SAMMSON: variants seen among roughly 807,000 people sequenced by gnomAD.
SAMMSON encodes the protein survival associated mitochondrial melanoma specific oncogenic non-coding RNA.
At chr3:70,184,373 A>C (rs902135266) in intron 4 of SAMMSON, among the ~76,000 whole-genome samples, 3 of 152,296 alleles carry the variant, frequency 2.0e-5, no homozygotes, top group African/African-American at 7.2e-5. Context: ...TTGATCTTAG[A>C]GTGCTTTTTC....
chr3:70,307,651 G>A (rs115468603), intron 7 of SAMMSON, among the ~76,000 whole-genome samples: 11 of 151,896 alleles, frequency 7.2e-5, no homozygotes, highest in African/African-American at 1.9e-4. Flanking sequence ...TGTATTAGCC[G>A]TCACCACCCC....
chr3:70,117,555 G>C lies in SAMMSON; in HGVS notation n.507+45990G>C, dbSNP rs527372160. On this transcript the variant is annotated intron_variant and non_coding_transcript_variant, in intron 4 of 9. Transcript: ENST00000642114. ...TGATTGAAAAGTTAAATTATACAGA[G>C]ATATTTATAGAGCCCTTGTTCCATG... Among the ~76,000 whole-genome samples the C allele has an allele frequency of 1.2e-4, 19 of 152,238 alleles. 1 individual carries two copies. Among genetic ancestry groups the C allele is most frequent in the Middle Eastern group, 3.4e-3 (1 of 294 alleles).
chr3:70,097,040 C>T (rs2067325328), intron 4 of SAMMSON, among the ~76,000 whole-genome samples: 1 of 152,212 alleles, frequency 6.6e-6, no homozygotes, highest in African/African-American at 2.4e-5. Flanking sequence ...CCTTGCAGAT[C>T]ACATATAAGC....
intron 6 of SAMMSON, among the ~76,000 whole-genome samples, chr3:70,290,881 G>A (rs367614245): frequency 7.9e-5 from 12 of 152,164 alleles, no homozygotes; most frequent in South Asian, 2.1e-4. Context: ...GACCCCTTGC[G>A]CTTCCCGAGT....
chr3:70,422,774 C>T (rs940379990), intron 2 of SAMMSON, among the ~76,000 whole-genome samples: 2 of 151,720 alleles, frequency 1.3e-5, no homozygotes, highest in Non-Finnish European at 2.9e-5. Flanking sequence ...AAAAAAAGCA[C>T]CAAAATGATA....
chr3:70,312,399 G>T (rs1418069998), intron 7 of SAMMSON, among the ~76,000 whole-genome samples: 1 of 152,198 alleles, frequency 6.6e-6, no homozygotes, highest in East Asian at 1.9e-4. Context: ...AATTTATTGG[G>T]TGGGAATAAG....
chr3:70,034,578 T>C (rs2067078383), intron 3 of SAMMSON, among the ~76,000 whole-genome samples: 1 of 152,186 alleles, frequency 6.6e-6, no homozygotes, highest in Non-Finnish European at 1.5e-5. Context: ...GCGTGGTGGC[T>C]CACGCTTATA....
chr3:70,315,915 A>C (rs921088735), intron 7 of SAMMSON, among the ~76,000 whole-genome samples: 1 of 152,162 alleles, frequency 6.6e-6, no homozygotes, highest in Non-Finnish European at 1.5e-5. Context: ...AAGAGTGTTC[A>C]TTGAGCCCAT....
chr3:70,357,686 C>T (rs1702839693), intron 8 of SAMMSON, among the ~76,000 whole-genome samples: 1 of 151,678 alleles, frequency 6.6e-6, no homozygotes. Context: ...GCACATTCTG[C>T]ACATGTATCC....
chr3:70,187,175 T>C (rs146330913), intron 4 of SAMMSON, among the ~76,000 whole-genome samples: 243 of 152,282 alleles, frequency 1.6e-3, no homozygotes, highest in African/African-American at 5.5e-3. Flanking sequence ...TTGATACTCT[T>C]ATAGCATTGT....
chr3:70,110,837 A>G (rs1184516827), intron 4 of SAMMSON, among the ~76,000 whole-genome samples: 2 of 152,166 alleles, frequency 1.3e-5, no homozygotes, highest in Non-Finnish European at 2.9e-5. Flanking sequence ...CACCTACTTG[A>G]AAAGTTGAGA....
chr3:70,112,630 A>G (rs2067394316), intron 4 of SAMMSON, among the ~76,000 whole-genome samples: 1 of 152,194 alleles, frequency 6.6e-6, no homozygotes, highest in South Asian at 2.1e-4. Context: ...TCTTGGGTAC[A>G]TCTAGAATTT....
intron 7 of SAMMSON, among the ~76,000 whole-genome samples, chr3:70,297,228 T>C (rs1702299874): frequency 6.6e-6 from 1 of 152,132 alleles, no homozygotes; most frequent in African/African-American, 2.4e-5. Flanking sequence ...CTCTTGGTAA[T>C]TAGTTATTGT....
At chr3:70,430,373 A>C (rs1026136228) in intron 2 of SAMMSON, among the ~76,000 whole-genome samples, 2 of 152,146 alleles carry the variant, frequency 1.3e-5, no homozygotes, top group Non-Finnish European at 2.9e-5. Context: ...GTATGCCACT[A>C]TCATCACAAT....
At chr3:70,017,438 C>G in intron 3 of SAMMSON, among the ~76,000 whole-genome samples, 1 of 151,984 alleles carries the variant, frequency 6.6e-6, no homozygotes, top group Admixed American at 6.6e-5. Context: ...GAATTTGTAT[C>G]CTGAGACTTT....
chr3:70,176,140 G>C (rs1439274520), intron 4 of SAMMSON, among the ~76,000 whole-genome samples: 1 of 152,064 alleles, frequency 6.6e-6, no homozygotes, highest in African/African-American at 2.4e-5. Flanking sequence ...TTTGTTCACT[G>C]TCTTCTTCAT....
In SAMMSON at chr3:70,367,855, G is replaced by A. The variant is rs566379780; in HGVS notation, n.913+9531G>A. ...TAATTCCCACTAACAGTGTACTAGAGTCCCCCTTTCTCCGTATCCTTGCCA... is the reference window on the plus strand; with the variant it reads ...TAATTCCCACTAACAGTGTACTAGAATCCCCCTTTCTCCGTATCCTTGCCA... On this transcript the variant is annotated intron_variant and non_coding_transcript_variant, in intron 9 of 9. Transcript: ENST00000642114. 8.6e-5 allele frequency among the ~76,000 whole-genome samples: 13 copies of A among 151,434 alleles called. No homozygotes were observed. The South Asian group carries it at 2.7e-3, about 31-fold the overall frequency.
At chr3:70,046,037 T>C (rs1467456867) in intron 3 of SAMMSON, among the ~76,000 whole-genome samples, 1 of 152,142 alleles carries the variant, frequency 6.6e-6, no homozygotes. Flanking sequence ...AAGTAATCTT[T>C]AGGAAAATAT....
intron 6 of SAMMSON, chr3:70,283,668 CA>C (rs1702111597): frequency 6.6e-6 from 1 of 151,238 alleles, no homozygotes; most frequent in African/African-American, 2.4e-5. Context: ...GCTATTTTCA[CA>C]ATAACATTTG....
Sources: allele counts gnomAD v4.1 joint callset (sites outside exome capture counted in the v4.1 genomes callset), GRCh38; gene constraint gnomAD v4.1.1; transcripts MANE v1.5; gene names NCBI Gene and HGNC (gene_info 2026-07-23, HGNC 2026-07-21).